Variants in CFAP47 observed in about 807,000 individuals in gnomAD.
CFAP47 encodes cilia and flagella associated protein 47.
CFAP47 carries 29 observed loss-of-function variants against 148.1 expected under a neutral mutation model. The ratio of observed to expected loss-of-function variants is 0.20; its 90% CI spans 0.15 to 0.27. CFAP47 has a LOEUF of 0.27. Ranked by LOEUF, CFAP47 falls within the 10% of genes least tolerant of loss-of-function variation. CFAP47 has a pLI of 1.00. For missense variants in CFAP47, 1,872 were observed against 1,697.5 expected (o/e 1.10, Z -1.81); for synonymous variants, 664 against 577.3 (o/e 1.15, Z -2.15).
rs769323251 is a variant in CFAP47, at chrX:36,090,202, C to T, written c.4916+4664C>T. On this transcript the variant is annotated intron_variant, in intron 30 of 63. Coordinates refer to ENST00000378653, the MANE Select transcript of CFAP47 (RefSeq NM_001304548.2). ...CACATAGCTTTTAATTTTACCACTTCCTACTTTTGGTCCTCAATAATTGAT... is the reference window on the plus strand; with the variant it reads ...CACATAGCTTTTAATTTTACCACTTTCTACTTTTGGTCCTCAATAATTGAT... 6.3e-5 allele frequency among the ~76,000 whole-genome samples: 7 copies of T among 111,861 alleles called. No homozygotes were observed. In the South Asian group the frequency reaches 2.6e-3, roughly 41 times the overall value.
At chrX:36,047,447 A>G (rs1937480033) in intron 26 of CFAP47, among the ~76,000 whole-genome samples, 1 of 112,281 alleles carries the variant, frequency 8.9e-6, no homozygotes, top group Admixed American at 9.5e-5. Context: ...ATAAGTGTCA[A>G]CTGAAAGTGA....
At chrX:36,161,349 T>C (rs1249299977) in intron 39 of CFAP47, among the ~76,000 whole-genome samples, 2 of 111,588 alleles carry the variant, frequency 1.8e-5, no homozygotes, top group Non-Finnish European at 3.8e-5. Context: ...TATTAAAAAA[T>C]ATGTATAATT....
chrX:36,012,262 T>A (rs1937047063), intron 21 of CFAP47, among the ~76,000 whole-genome samples: 1 of 111,592 alleles, frequency 9.0e-6, no homozygotes, highest in African/African-American at 3.3e-5. Context: ...GTGTGACGAT[T>A]TCTCAAGGAT....
chrX:36,240,121 A>C (rs1940523566), intron 48 of CFAP47, among the ~76,000 whole-genome samples: 1 of 111,943 alleles, frequency 8.9e-6, no homozygotes, highest in African/African-American at 3.2e-5. Flanking sequence ...AACAATGAAA[A>C]CAAACCATTA....
intron 49 of CFAP47, among the ~76,000 whole-genome samples, chrX:36,277,898 G>A (rs1941034673): frequency 8.9e-6 from 1 of 112,002 alleles, no homozygotes; most frequent in Non-Finnish European, 1.9e-5. Flanking sequence ...CACCAGTAGA[G>A]GCTGCAGAAC....
At chrX:36,064,455 G>T (rs1937619861) in intron 26 of CFAP47, among the ~76,000 whole-genome samples, 1 of 111,841 alleles carries the variant, frequency 8.9e-6, no homozygotes, top group Admixed American at 9.6e-5. Context: ...GAAAAATGTA[G>T]TTCCTTTCTT....
intron 46 of CFAP47, among the ~76,000 whole-genome samples, chrX:36,235,610 G>C (rs1424355549): frequency 2.7e-5 from 3 of 112,043 alleles, no homozygotes; most frequent in Admixed American, 9.4e-5. Context: ...GCTCACACAC[G>C]GTGCGCTGCA....
At chrX:36,048,463 A>G (rs1375527141) in intron 26 of CFAP47, among the ~76,000 whole-genome samples, 1 of 111,780 alleles carries the variant, frequency 8.9e-6, no homozygotes, top group Non-Finnish European at 1.9e-5. Context: ...TTTACTTTGT[A>G]AGATTCTTTC....
At chrX:36,214,125 G>GTGCT (rs1940133011) in intron 45 of CFAP47, among the ~76,000 whole-genome samples, 1 of 111,836 alleles carries the variant, frequency 8.9e-6, no homozygotes, top group Admixed American at 9.5e-5. Context: ...AGGCTATATG[G>GTGCT]TACAACCTGT....
intron 57 of CFAP47, among the ~76,000 whole-genome samples, chrX:36,347,788 G>A (rs1359882691): frequency 9.1e-6 from 1 of 110,263 alleles, no homozygotes; most frequent in Admixed American, 9.7e-5. Flanking sequence ...TGTGGGGTGG[G>A]GGGCTAGGGG....
chrX:36,371,974 A>G (rs1395816357), intron 62 of CFAP47, among the ~76,000 whole-genome samples: 2 of 91,644 alleles, frequency 2.2e-5, no homozygotes, highest in Non-Finnish European at 4.1e-5. Flanking sequence ...ACATGTGTAT[A>G]TGTGTGTGTA....
At chrX:36,366,867 CAG>C (rs782197332) in intron 61 of CFAP47, 97 bp from the exon 62 acceptor site, 1 of 437,720 alleles carries the variant, frequency 2.3e-6, no homozygotes, top group Non-Finnish European at 3.5e-6. Context: ...ACTGAAACCA[CAG>C]AGTTTACTTA....
chrX:35,930,238 T>C (rs1390668606), intron 2 of CFAP47, among the ~76,000 whole-genome samples: 1 of 111,840 alleles, frequency 8.9e-6, no homozygotes, highest in Non-Finnish European at 1.9e-5. Flanking sequence ...CATTGGTTAA[T>C]TTCTTAATGT....
chrX:35,919,743 C>A lies in CFAP47; in HGVS notation c.-57C>A, dbSNP rs990679489. Reference sequence around the variant, plus strand: ...ATGGTTGCCTAGCGACGGTCGTCGACGCTAATCCTTGGCCGGACGGATCCA... The same window carrying A: ...ATGGTTGCCTAGCGACGGTCGTCGAAGCTAATCCTTGGCCGGACGGATCCA... On this transcript the variant is annotated 5_prime_UTR_variant, in exon 1 of 64. Coordinates refer to ENST00000378653, the MANE Select transcript of CFAP47 (RefSeq NM_001304548.2). 42 of 1,149,416 alleles carry A rather than the reference C, an allele frequency of 3.7e-5. No homozygotes were observed. Among genetic ancestry groups the A allele is most frequent in the Non-Finnish European group, 4.7e-5 (40 of 859,816 alleles). The allele number at this position is 1,149,416 out of a possible 1,213,427, so 94.7% of individuals were successfully genotyped here.
At chrX:36,120,050 C>T (rs1441427136) in intron 33 of CFAP47, among the ~76,000 whole-genome samples, 4 of 107,794 alleles carry the variant, frequency 3.7e-5, no homozygotes, top group Non-Finnish European at 7.7e-5. Context: ...GGCTGGAGTG[C>T]AGTGGCATGA....
At chrX:36,084,284 C>T (rs1230285448) in intron 29 of CFAP47, among the ~76,000 whole-genome samples, 2 of 111,347 alleles carry the variant, frequency 1.8e-5, no homozygotes, top group East Asian at 5.6e-4. Flanking sequence ...TTGCATTAAT[C>T]TTGACCAATA....
chrX:36,345,985 TA>T (rs1282290829), intron 57 of CFAP47, among the ~76,000 whole-genome samples: 1 of 111,680 alleles, frequency 9.0e-6, no homozygotes, highest in East Asian at 2.8e-4. Context: ...AAAATAATTT[TA>T]TTTGAGAAAA....
intron 26 of CFAP47, 88 bp from the exon 27 acceptor site, chrX:36,065,555 C>G (rs1937630069): frequency 1.0e-5 from 5 of 499,645 alleles, no homozygotes; most frequent in Middle Eastern, 4.2e-4. Flanking sequence ...ATGTCTTCAT[C>G]ATTAAGGGCA....
chrX:36,167,245 A>C (rs1292861368), intron 39 of CFAP47, among the ~76,000 whole-genome samples: 4 of 111,322 alleles, frequency 3.6e-5, no homozygotes, highest in Non-Finnish European at 7.5e-5. Context: ...CATTATTGAA[A>C]ATGAAATCAG....
Sources: gnomAD v4.1 joint callset for allele counts (sites outside exome capture counted in the v4.1 genomes callset) on GRCh38, gnomAD v4.1.1 for gene constraint, MANE v1.5 for transcripts, NCBI Gene and HGNC (gene_info 2026-07-23, HGNC 2026-07-21) for gene names.